Variants in BMPR1B observed in about 807,000 individuals in gnomAD.
BMPR1B encodes the protein bone morphogenetic protein receptor type-1B.
Under a neutral mutation model 59.1 loss-of-function variants are expected in BMPR1B, and 12 were observed. The observed-to-expected ratio is 0.20, with a 90% confidence interval of 0.13 to 0.33. BMPR1B has a LOEUF of 0.33. Among genes scored for constraint, BMPR1B ranks in the 10% least tolerant of loss-of-function variants. The pLI, the probability that BMPR1B is intolerant of heterozygous loss-of-function variation, is 1.00. For missense variants in BMPR1B, 550 were observed against 610.9 expected (o/e 0.90, Z 1.05); for synonymous variants, 237 against 207.3 (o/e 1.14, Z -1.23).
intron 3 of BMPR1B, among the ~76,000 whole-genome samples, chr4:95,060,021 T>C (rs2149202753): frequency 6.6e-6 from 1 of 152,290 alleles, no homozygotes; most frequent in South Asian, 2.1e-4. Context: ...GAGTACAAAT[T>C]AGCTGGTGAG....
chr4:94,901,503 A>G (rs1727808364), intron 2 of BMPR1B, among the ~76,000 whole-genome samples: 2 of 152,000 alleles, frequency 1.3e-5, no homozygotes, highest in Non-Finnish European at 2.9e-5. Context: ...TGGTGAGAAC[A>G]TACAGAGAAC....
chr4:94,866,297 G>A (rs1726238763), intron 1 of BMPR1B, among the ~76,000 whole-genome samples: 1 of 152,110 alleles, frequency 6.6e-6, no homozygotes, highest in African/African-American at 2.4e-5. Flanking sequence ...ACCAGTTTCT[G>A]CCTTGTGTCA....
At chr4:94,872,631 C>T (rs187158352) in intron 1 of BMPR1B, among the ~76,000 whole-genome samples, 1 of 152,020 alleles carries the variant, frequency 6.6e-6, no homozygotes, top group East Asian at 1.9e-4. Context: ...GCCTGTAGTC[C>T]CAGCTACTTT....
intron 3 of BMPR1B, among the ~76,000 whole-genome samples, chr4:95,066,746 C>T (rs981834409): frequency 6.6e-6 from 1 of 152,122 alleles, no homozygotes; most frequent in African/African-American, 2.4e-5. Flanking sequence ...CAACTAAAAT[C>T]CACTGAATCA....
intron 2 of BMPR1B, among the ~76,000 whole-genome samples, chr4:94,881,157 C>T (rs1208875829): frequency 2.0e-5 from 3 of 152,086 alleles, no homozygotes; most frequent in Non-Finnish European, 2.9e-5. Context: ...ATCTCAAGAA[C>T]ATTTTCATCT....
At chr4:95,099,503 T>C (rs1730667016) in intron 3 of BMPR1B, among the ~76,000 whole-genome samples, 1 of 152,220 alleles carries the variant, frequency 6.6e-6, no homozygotes, top group Non-Finnish European at 1.5e-5. Context: ...CTGACAGAGA[T>C]AATCACATTT....
intron 1 of BMPR1B, among the ~76,000 whole-genome samples, chr4:94,761,423 GTGTGT>G (rs1721762146): frequency 1.7e-5 from 1 of 58,430 alleles, no homozygotes; most frequent in Admixed American, 1.6e-4. Context: ...TTCTGTGTGT[GTGTGT>G]GTGTGTGTGT....
At chr4:94,861,751 A>T (rs1033977142) in intron 1 of BMPR1B, among the ~76,000 whole-genome samples, 2 of 152,230 alleles carry the variant, frequency 1.3e-5, no homozygotes, top group African/African-American at 4.8e-5. Context: ...AATTATGGTT[A>T]TAGCTAATCC....
intron 3 of BMPR1B, among the ~76,000 whole-genome samples, chr4:95,014,628 G>A (rs1723456017): frequency 6.6e-6 from 1 of 152,126 alleles, no homozygotes; most frequent in African/African-American, 2.4e-5. Context: ...ATGATGCAGA[G>A]ACCCTTTATC....
intron 2 of BMPR1B, among the ~76,000 whole-genome samples, chr4:94,941,749 G>A (rs539894392): frequency 5.2e-4 from 79 of 152,168 alleles, no homozygotes; most frequent in South Asian, 4.4e-3. Flanking sequence ...GAATAAAACC[G>A]TAATCTAATT....
At chr4:94,808,016 CT>C (rs201017626) in intron 1 of BMPR1B, among the ~76,000 whole-genome samples, 4 of 151,520 alleles carry the variant, frequency 2.6e-5, no homozygotes, top group Non-Finnish European at 4.4e-5. Context: ...ATAATGAAAA[CT>C]TTTTTTTTCC....
At chr4:95,114,093 A>G (rs958839104) in intron 4 of BMPR1B, among the ~76,000 whole-genome samples, 1 of 152,112 alleles carries the variant, frequency 6.6e-6, no homozygotes, top group African/African-American at 2.4e-5. Flanking sequence ...ATATGACAGG[A>G]CAGCCCAGAA....
intron 2 of BMPR1B, among the ~76,000 whole-genome samples, chr4:94,983,650 T>G (rs1721232875): frequency 1.3e-5 from 2 of 152,252 alleles, no homozygotes; most frequent in Non-Finnish European, 2.9e-5. Context: ...CAAAGCCATA[T>G]TTTGGTCTTA....
intron 3 of BMPR1B, among the ~76,000 whole-genome samples, chr4:95,090,044 T>A (rs527855675): frequency 6.6e-6 from 1 of 152,182 alleles, no homozygotes; most frequent in Admixed American, 6.6e-5. Context: ...AATGCAGTAT[T>A]CTAACCCAGG....
intron 2 of BMPR1B, among the ~76,000 whole-genome samples, chr4:94,971,660 A>G (rs1730796383): frequency 6.6e-6 from 1 of 151,900 alleles, no homozygotes; most frequent in Non-Finnish European, 1.5e-5. Context: ...AATATTTAAG[A>G]TTTTTAAAAT....
At chr4:94,876,654 T>G (rs915649087) in intron 2 of BMPR1B, among the ~76,000 whole-genome samples, 2 of 152,214 alleles carry the variant, frequency 1.3e-5, no homozygotes, top group African/African-American at 4.8e-5. Context: ...GGGAATTACA[T>G]TGAGACCTCC....
intron 2 of BMPR1B, among the ~76,000 whole-genome samples, chr4:94,967,728 C>G (rs1042165936): frequency 2.6e-5 from 4 of 152,174 alleles, no homozygotes; most frequent in Non-Finnish European, 5.9e-5. Context: ...AAGTGAGCGC[C>G]TGCCTCAGCC....
chr4:94,897,066 A>G (rs550790161), intron 2 of BMPR1B, among the ~76,000 whole-genome samples: 1 of 152,156 alleles, frequency 6.6e-6, no homozygotes, highest in South Asian at 2.1e-4. Context: ...AATATCCGCC[A>G]GTCAGAGTGG....
At chr4:95,062,348 A>G (rs1429260813) in intron 3 of BMPR1B, among the ~76,000 whole-genome samples, 1 of 152,170 alleles carries the variant, frequency 6.6e-6, no homozygotes, top group Non-Finnish European at 1.5e-5. Context: ...ATAATTTGCA[A>G]AAAGTACTCT....
Sources: gnomAD v4.1 joint callset for allele counts (sites outside exome capture counted in the v4.1 genomes callset) on GRCh38, gnomAD v4.1.1 for gene constraint, MANE v1.5 for transcripts, NCBI Gene and HGNC (gene_info 2026-07-23, HGNC 2026-07-21) for gene names.